The following ABCB4 variants were observed in gnomAD, a reference collection of about 807,000 sequenced individuals.
ABCB4 encodes ATP binding cassette subfamily B member 4.
Under a neutral mutation model 145.7 loss-of-function variants are expected in ABCB4, and 76 were observed. That is an observed-to-expected ratio of 0.52 (90% CI 0.43 to 0.63). The LOEUF (loss-of-function observed/expected upper bound fraction) is 0.63. Ranked by LOEUF, ABCB4 falls within the 30% of genes least tolerant of loss-of-function variation. The pLI, the probability that ABCB4 is intolerant of heterozygous loss-of-function variation, is 0.00. For synonymous variants in ABCB4, 517 were observed against 566.8 expected (o/e 0.91, Z 1.25); for missense variants, 1,234 against 1,553.1 (o/e 0.79, Z 3.45).
chr7:87,454,588 G>A lies in ABCB4; in HGVS notation c.291C>T (p.Asn97=), dbSNP rs964301952. The part of the protein sequence containing the change: ...DTAGNFSFPV[N]FSLSLLNPGK... Reference sequence around the variant, plus strand: ...CTGGATTTAGCAGCGACAAGGAAAAGTTCACTAAATTAAAAAATAAAATAA... The same window carrying A: ...CTGGATTTAGCAGCGACAAGGAAAAATTCACTAAATTAAAAAATAAAATAA... The change falls in exon 5 of 28, where the codon AAC becomes AAT. Residue 97 remains asparagine (N), a synonymous_variant. Transcript: ENST00000649586. The A allele has an allele frequency of 7.5e-6, 12 of 1,608,186 alleles. No individual in the cohort carries two copies. In the Admixed American group the frequency reaches 1.7e-4, roughly 22 times the overall value.
intron 21 of ABCB4, 132 bp downstream of exon 21, chr7:87,417,180 C>G: frequency 1.2e-6 from 1 of 835,252 alleles, no homozygotes; most frequent in Non-Finnish European, 1.9e-6. Context: ...ATTTCATACA[C>G]AATTGACAAT....
intron 15 of ABCB4, among the ~76,000 whole-genome samples, chr7:87,429,028 G>T (rs1208498360): frequency 6.6e-6 from 1 of 152,214 alleles, no homozygotes; most frequent in Non-Finnish European, 1.5e-5. Flanking sequence ...TGGAAAAGCA[G>T]TGATACTTGT....
At chr7:87,406,834 C>T (rs1176717248) in intron 25 of ABCB4, among the ~76,000 whole-genome samples, 1 of 152,180 alleles carries the variant, frequency 6.6e-6, no homozygotes, top group African/African-American at 2.4e-5. Flanking sequence ...TCTGCTGTCC[C>T]CAGAATAATC....
At position 87,406,314 on chromosome 7, in the gene ABCB4, G is replaced by A. The variant is rs1808185367; in HGVS notation, c.3460C>T (p.His1154Tyr). 2 of 1,614,144 alleles carry A rather than the reference G, an allele frequency of 1.2e-6. No homozygotes were observed. The highest frequency in any genetic ancestry group is 1.7e-6 in the Non-Finnish European group (2 of 1,180,014). Residue 1154 changes from histidine (H) to tyrosine (Y), a missense_variant, in exon 26 of 28, where the codon CAT becomes TAT. By Grantham distance (83) the His-to-Tyr change is moderately conservative. Coordinates refer to ENST00000649586, the MANE Select transcript of ABCB4 (RefSeq NM_000443.4). ...IVSAAKAANI[H>Y]PFIETLPHKY... ...TGGGGTAACGTCTCGATGAAAGGATGTATGTTGGCAGCTTTGGCTGCACTC... is the reference window on the plus strand; with the variant it reads ...TGGGGTAACGTCTCGATGAAAGGATATATGTTGGCAGCTTTGGCTGCACTC...
At chr7:87,420,124 T>C (rs371860621) in intron 18 of ABCB4, 49 bp from the exon 19 acceptor site, 3 of 1,548,204 alleles carry the variant, frequency 1.9e-6, no homozygotes, top group Middle Eastern at 1.7e-4. Context: ...ATGTATGTAA[T>C]TGCACCAGAC....
At chr7:87,472,933 T>C (rs979753994) in intron 2 of ABCB4, among the ~76,000 whole-genome samples, 3 of 152,164 alleles carry the variant, frequency 2.0e-5, no homozygotes, top group Admixed American at 2.0e-4. Flanking sequence ...AAGATAAGTA[T>C]GCTAACAGTG....
chr7:87,409,421 T>G, intron 23 of ABCB4, 29 bp from the exon 24 acceptor site: 1 of 1,611,302 alleles, frequency 6.2e-7, no homozygotes. Context: ...ATTCAAAAAT[T>G]AGCTTTTATA....
At chr7:87,417,278 C>A (rs1258825350) in intron 21 of ABCB4, 34 bp downstream of exon 21, 16 of 1,597,260 alleles carry the variant, frequency 1.0e-5, no homozygotes, top group Non-Finnish European at 1.3e-5. Flanking sequence ...CTAAAAACAA[C>A]ACTTAACACC....
At chr7:87,444,529 T>C (rs1012987740) in intron 10 of ABCB4, among the ~76,000 whole-genome samples, 6 of 152,258 alleles carry the variant, frequency 3.9e-5, no homozygotes, top group Admixed American at 6.5e-5. Context: ...CCATCCCATA[T>C]AGAAATCATA....
At chr7:87,401,400 A>C (rs1233700771), downstream of ABCB4, among the ~76,000 whole-genome samples, 1 of 152,210 alleles carries the variant, frequency 6.6e-6, no homozygotes, top group African/African-American at 2.4e-5. Flanking sequence ...TTCTGGGAAA[A>C]GTAGTCTATT....
the ABCB4 span, chr7:87,369,327 C>T: frequency 7.7e-7 from 1 of 1,293,912 alleles, no homozygotes; most frequent in Non-Finnish European, 1.1e-6. Context: ...CATCTTTACT[C>T]CTGTTTAACC....
chr7:87,389,893 C>T, the ABCB4 span, among the ~76,000 whole-genome samples: 13 of 151,904 alleles, frequency 8.6e-5, no homozygotes, highest in Non-Finnish European at 1.5e-4. Flanking sequence ...GGAAATTTCA[C>T]GCGGTATTTT....
At chr7:87,404,459 C>T (rs79973675) in intron 26 of ABCB4, among the ~76,000 whole-genome samples, 4 of 152,130 alleles carry the variant, frequency 2.6e-5, no homozygotes, top group Admixed American at 6.5e-5. Context: ...GGCTAGGCAA[C>T]GAGTTCTTAG....
chr7:87,437,234 T>C (rs1205484479), intron 14 of ABCB4, among the ~76,000 whole-genome samples: 4 of 152,192 alleles, frequency 2.6e-5, no homozygotes, highest in Non-Finnish European at 5.9e-5. Context: ...CATTAGTCTT[T>C]GCTCTCTGGG....
intron 14 of ABCB4, 36 bp downstream of exon 14, chr7:87,439,631 A>C: frequency 6.2e-7 from 1 of 1,613,082 alleles, no homozygotes; most frequent in Middle Eastern, 1.7e-4. Flanking sequence ...ATAGGTTTCA[A>C]TGTGGTGGTC....
chr7:87,369,303 C>T, the ABCB4 span: 6 of 911,304 alleles, frequency 6.6e-6, no homozygotes, highest in Non-Finnish European at 1.0e-5. Context: ...TACTTTTCTT[C>T]TATTGGATAT....
At chr7:87,422,307 T>A in intron 17 of ABCB4, 82 bp from the exon 18 acceptor site, 2 of 1,090,978 alleles carry the variant, frequency 1.8e-6, no homozygotes, top group South Asian at 2.7e-5. Context: ...GGCTTGAGTG[T>A]CACATGTTTA....
At chr7:87,391,744 A>G in the ABCB4 span, 1 of 1,594,290 alleles carries the variant, frequency 6.3e-7, no homozygotes, top group Non-Finnish European at 8.5e-7. Context: ...AACTCACAAG[A>G]TTTGTTTAAT....
rs1333728215 is a variant in ABCB4 at position 87,439,962 on chromosome 7, G to C, written c.1561-125C>G. On this transcript the variant is annotated intron_variant, in intron 13 of 27. Transcript: ENST00000649586. ...ACTATTTTAATGTATCATAAAGTAT[G>C]ATAAGATAAATGAATTCTGAATTAT... 2.9e-6 allele frequency: 4 copies of C among 1,360,506 alleles called. No individual in the cohort carries two copies. In the Admixed American group the frequency reaches 8.1e-5, roughly 27 times the overall value. The allele number at this position is 1,360,506 out of a possible 1,614,324, so 84.3% of individuals were successfully genotyped here.
Sources: gnomAD v4.1 joint callset for allele counts (sites outside exome capture counted in the v4.1 genomes callset) on GRCh38, gnomAD v4.1.1 for gene constraint, MANE v1.5 for transcripts, NCBI Gene and HGNC (gene_info 2026-07-23, HGNC 2026-07-21) for gene names.